Variants in CA10 observed in about 807,000 individuals in gnomAD.
The protein encoded by CA10 is carbonic anhydrase 10 (inactive), also known as carbonic anhydrase-related protein 10.
CA10 carries 14 observed loss-of-function variants against 44.2 expected under a neutral mutation model. The observed-to-expected ratio is 0.32, with a 90% confidence interval of 0.21 to 0.50. The LOEUF is 0.50. CA10 is among the 20% of genes least tolerant of loss of function. CA10 has a pLI of 0.99. For synonymous variants in CA10, 159 were observed against 141.6 expected, an observed-to-expected ratio of 1.12 and a Z score of -0.87; for missense variants, 350 against 409.7, an observed-to-expected ratio of 0.85 and a Z score of 1.26.
chr17:51,902,936 C>T (rs575984865), intron 3 of CA10, among the ~76,000 whole-genome samples: 3 of 152,238 alleles, frequency 2.0e-5, no homozygotes, highest in East Asian at 1.9e-4. Context: ...AATGAAGTGT[C>T]GTGGCTCTCA....
intron 2 of CA10, among the ~76,000 whole-genome samples, chr17:51,969,706 TTG>T (rs1180845486): frequency 3.8e-4 from 58 of 152,000 alleles, no homozygotes; most frequent in African/African-American, 1.3e-3. Context: ...GTGCGAGGGA[TTG>T]TGTTAAGCAA....
chr17:51,650,891 CGTGG>C (rs1423528555), intron 5 of CA10, among the ~76,000 whole-genome samples: 1 of 152,000 alleles, frequency 6.6e-6, no homozygotes, highest in Non-Finnish European at 1.5e-5. Flanking sequence ...GTGTTGGCTG[CGTGG>C]GTGAGAGGAT....
chr17:51,808,231 T>C (rs1358381291), intron 3 of CA10, among the ~76,000 whole-genome samples: 1 of 152,232 alleles, frequency 6.6e-6, no homozygotes, highest in African/African-American at 2.4e-5. Context: ...AGTTTATAAA[T>C]GTGTTAATTA....
At chr17:52,058,619 T>C (rs976960431) in intron 2 of CA10, among the ~76,000 whole-genome samples, 4 of 152,150 alleles carry the variant, frequency 2.6e-5, no homozygotes. Flanking sequence ...TTTCAATCTG[T>C]TATTAAGTAG....
intron 3 of CA10, among the ~76,000 whole-genome samples, chr17:51,868,057 AACACAC>A (rs34631877): frequency 0.022 from 3,203 of 144,912 alleles, 41 homozygotes; most frequent in Non-Finnish European, 0.026. Flanking sequence ...AAGCAGGTGT[AACACAC>A]ACACACACAC....
chr17:51,922,392 C>T (rs900884029), intron 3 of CA10, among the ~76,000 whole-genome samples: 1 of 152,166 alleles, frequency 6.6e-6, no homozygotes, highest in Non-Finnish European at 1.5e-5. Flanking sequence ...TATTCTCTCC[C>T]AAATGGAGGT....
chr17:52,047,440 AAAT>A (rs1369667528), intron 2 of CA10, among the ~76,000 whole-genome samples: 2 of 151,978 alleles, frequency 1.3e-5, no homozygotes, highest in African/African-American at 2.4e-5. Flanking sequence ...TACTATAAGT[AAAT>A]AATATCTCAA....
intron 4 of CA10, among the ~76,000 whole-genome samples, chr17:51,679,163 CCTTTGGCAAT>C (rs1418774182): frequency 1.3e-5 from 2 of 152,014 alleles, no homozygotes; most frequent in African/African-American, 4.8e-5. Context: ...GCATATGAAT[CCTTTGGCAAT>C]CTTGTTAAAA....
At chr17:51,969,455 C>T (rs1264564050) in intron 2 of CA10, among the ~76,000 whole-genome samples, 1 of 152,062 alleles carries the variant, frequency 6.6e-6, no homozygotes, top group Admixed American at 6.6e-5. Flanking sequence ...CTACACCACA[C>T]TGATAGTTTT....
At chr17:51,653,548 CT>C in intron 5 of CA10, 92 bp downstream of exon 5, 1 of 774,026 alleles carries the variant, frequency 1.3e-6, no homozygotes, top group Non-Finnish European at 2.3e-6. Flanking sequence ...GATAGCACCC[CT>C]TTTAATATTT....
At chr17:51,888,962 G>T (rs901961433) in intron 3 of CA10, among the ~76,000 whole-genome samples, 1 of 152,194 alleles carries the variant, frequency 6.6e-6, no homozygotes, top group South Asian at 2.1e-4. Flanking sequence ...TGGGATGGCT[G>T]TCTAAGATGG....
intron 2 of CA10, among the ~76,000 whole-genome samples, chr17:51,993,702 G>A (rs1985125141): frequency 6.6e-6 from 1 of 152,012 alleles, no homozygotes; most frequent in South Asian, 2.1e-4. Context: ...AGCTGCATAT[G>A]TGATTTTGCC....
intron 3 of CA10, among the ~76,000 whole-genome samples, chr17:51,812,387 A>G (rs1487458576): frequency 6.6e-6 from 1 of 152,202 alleles, no homozygotes. Flanking sequence ...TCTGTTTCCA[A>G]TCCCATGTTT....
intron 2 of CA10, among the ~76,000 whole-genome samples, chr17:52,057,405 T>A (rs1987259203): frequency 6.6e-6 from 1 of 151,998 alleles, no homozygotes; most frequent in African/African-American, 2.4e-5. Context: ...ACAGTAAATC[T>A]ATTTTCTTTT....
At chr17:51,765,691 C>CTGTGTG (rs61631215) in intron 3 of CA10, among the ~76,000 whole-genome samples, 23,223 of 139,704 alleles carry the variant, frequency 0.17, 2,464 homozygotes, top group East Asian at 0.25. Context: ...AGGCAGCTCC[C>CTGTGTG]TGTGTGTGTG....
intron 2 of CA10, among the ~76,000 whole-genome samples, chr17:51,964,701 A>G (rs1984016078): frequency 6.6e-6 from 1 of 151,848 alleles, no homozygotes; most frequent in Non-Finnish European, 1.5e-5. Flanking sequence ...AGTCAAAAAA[A>G]AAATCTTTGA....
At chr17:51,781,864 G>A (rs771878904) in intron 3 of CA10, among the ~76,000 whole-genome samples, 23 of 152,170 alleles carry the variant, frequency 1.5e-4, no homozygotes, top group Non-Finnish European at 2.8e-4. Context: ...CTTATATAAT[G>A]AGGTAGGTAT....
chr17:51,642,442 G>T (rs17695254), intron 6 of CA10, among the ~76,000 whole-genome samples: 65,327 of 151,948 alleles, frequency 0.43, 14,637 homozygotes, highest in Non-Finnish European at 0.48. Context: ...GCCTACACAT[G>T]CATCTTTTAG....
At chr17:51,991,071 G>A (rs1297388488) in intron 2 of CA10, among the ~76,000 whole-genome samples, 1 of 152,106 alleles carries the variant, frequency 6.6e-6, no homozygotes, top group East Asian at 1.9e-4. Flanking sequence ...CTGTGTCAAC[G>A]TGAACTAGAT....
Sources: allele counts gnomAD v4.1 joint callset (sites outside exome capture counted in the v4.1 genomes callset), GRCh38; gene constraint gnomAD v4.1.1; transcripts MANE v1.5; gene names NCBI Gene and HGNC (gene_info 2026-07-23, HGNC 2026-07-21).